Variants in RAD54L observed in about 807,000 individuals in gnomAD.
RAD54L encodes DNA repair and recombination protein RAD54-like.
RAD54L carries 74 observed loss-of-function variants against 91.6 expected under a neutral mutation model. The observed-to-expected ratio is 0.81, with a 90% CI of 0.67 to 0.98. The LOEUF is 0.98. Ranked by LOEUF, RAD54L falls within the 50% of genes least tolerant of loss-of-function variation. The pLI is 0.00. For synonymous variants in RAD54L, 304 were observed against 349.7 expected (o/e 0.87, Z 1.46); for missense variants, 887 against 945.7 (o/e 0.94, Z 0.81).
chr1:46,261,170 G>A, intron 7 of RAD54L, 91 bp from the exon 8 acceptor site: 2 of 1,577,032 alleles, frequency 1.3e-6, no homozygotes, highest in Admixed American at 1.7e-5. Context: ...GTTGTTTCCA[G>A]GCTAAATTAA....
Position 46,250,007 on chromosome 1 carries a change from G to A in RAD54L, c.98G>A (p.Arg33Lys). 6.2e-7 allele frequency: 1 copy of A among 1,613,974 alleles called. No individual in the cohort carries two copies. Residue 33 changes from arginine to lysine, a missense_variant, in exon 3 of 18, where the codon AGG (arginine) becomes AAG (lysine). Transcript: ENST00000371975. The stretch of plus-strand genomic sequence containing the variant: ...CCCAATTCTCTCTCCTAGACTCCTA[G>A]GAAACGGAAATCCAGCAGTGAGACC... ...EDWQPGLVTP[R>K]KRKSSSETQI...
At chr1:46,273,877 T>TC in intron 14 of RAD54L, 130 bp downstream of exon 14, 1 of 1,341,956 alleles carries the variant, frequency 7.5e-7, no homozygotes, top group East Asian at 2.5e-5. Context: ...TCTTCCCTTA[T>TC]TGCTATGATG....
intron 2 of RAD54L, among the ~76,000 whole-genome samples, chr1:46,249,231 G>A (rs1048655854): frequency 6.6e-5 from 10 of 152,196 alleles, no homozygotes; most frequent in African/African-American, 2.4e-4. Flanking sequence ...AGCTACGCAA[G>A]GACTAGAAGG....
chr1:46,250,232 C>T, intron 3 of RAD54L, 113 bp downstream of exon 3: 1 of 1,439,392 alleles, frequency 6.9e-7, no homozygotes, highest in Non-Finnish European at 9.7e-7. Context: ...AGAAGACACA[C>T]ATCTGTAGGG....
chr1:46,259,377 C>A (rs1361826073), intron 4 of RAD54L, among the ~76,000 whole-genome samples: 2 of 152,096 alleles, frequency 1.3e-5, no homozygotes, highest in East Asian at 3.9e-4. Flanking sequence ...AATTTCAGGC[C>A]TTCCCAGGAT....
chr1:46,248,401 C>T lies in RAD54L; in HGVS notation c.-5C>T. 5 of 1,613,904 alleles carry T rather than the reference C, an allele frequency of 3.1e-6. 1 individual carries two copies. In the East Asian group the frequency reaches 1.1e-4, roughly 36 times the overall value. On this transcript the variant is annotated 5_prime_UTR_variant, in exon 1 of 18. Transcript: ENST00000371975. ...TACTTGACGTTTTAAACTCCTAGGC[C>T]CAGGATGGTAAGTGTGGGCCTAGGG...
chr1:46,261,024 C>G lies in RAD54L; in HGVS notation c.766+9C>G. The stretch of plus-strand genomic sequence containing the variant: ...AATAGACCAAAAGCTGGGTACGGAG[C>G]CCTAACAAAGATGGCTGCACTCTCC... On this transcript the variant is annotated intron_variant, in intron 7 of 17. Coordinates refer to ENST00000371975, the MANE Select transcript of RAD54L (RefSeq NM_003579.4). 1 of 1,611,844 alleles carries G rather than the reference C, an allele frequency of 6.2e-7. No individual in the cohort carries two copies. Among genetic ancestry groups the G allele is most frequent in the Non-Finnish European group, 8.5e-7 (1 of 1,179,522 alleles).
At chr1:46,253,355 T>C (rs1263496912) in intron 3 of RAD54L, among the ~76,000 whole-genome samples, 1 of 152,218 alleles carries the variant, frequency 6.6e-6, no homozygotes, top group East Asian at 1.9e-4. Flanking sequence ...GGCTCACGCC[T>C]ATAATCCCAA....
chr1:46,272,621 AG>A, intron 11 of RAD54L, 50 bp from the exon 12 acceptor site: 3 of 1,614,054 alleles, frequency 1.9e-6, no homozygotes, highest in Non-Finnish European at 2.5e-6. Context: ...GTGTTCTCAG[AG>A]GGCAGGAGGG....
At chr1:46,257,350 CT>C in intron 3 of RAD54L, among the ~76,000 whole-genome samples, 1 of 152,084 alleles carries the variant, frequency 6.6e-6, no homozygotes, top group South Asian at 2.1e-4. Context: ...TTAAAACTAC[CT>C]TCAGGGTCTC....
At chr1:46,277,084 C>T (rs536103033) in intron 16 of RAD54L, among the ~76,000 whole-genome samples, 141 of 152,282 alleles carry the variant, frequency 9.3e-4, no homozygotes, top group Middle Eastern at 3.4e-3. Flanking sequence ...CGTGAGCCAC[C>T]GTGCCTGTCC....
chr1:46,260,221 A>G lies in RAD54L; in HGVS notation c.407+122A>G, dbSNP rs1660070898. ...ATTGACATATGTTTTCAGAGAGTAG[A>G]TGATTGGGGAAGGAGACTGCCTGGG... is the stretch of plus-strand genomic sequence containing the variant. On this transcript the variant is annotated intron_variant, in intron 5 of 17. Coordinates refer to ENST00000371975, the MANE Select transcript of RAD54L (RefSeq NM_003579.4). 3.4e-6 allele frequency: 5 copies of G among 1,467,108 alleles called. No homozygotes were observed. The South Asian group carries it at 5.7e-5, about 17-fold the overall frequency. The allele number at this position is 1,467,108 out of a possible 1,614,324, so 90.9% of individuals were successfully genotyped here.
In RAD54L at chr1:46,267,561, C is replaced by A. The variant is rs975533167; in HGVS notation, c.994C>A (p.Leu332Met). ...CTCCGGAACTCCCATCCAGAATGATCTGCTTGAGTATTTCAGCTTGGTACA... is the reference window on the plus strand; with the variant it reads ...CTCCGGAACTCCCATCCAGAATGATATGCTTGAGTATTTCAGCTTGGTACA... ...LISGTPIQND[L>M]LEYFSLVHFV... is the part of the protein sequence containing the mutation. Residue 332 changes from leucine to methionine, a missense_variant, in exon 9 of 18, where the codon CTG becomes ATG. Physicochemically the swap from Leu to Met is conservative, Grantham distance 15. Transcript: ENST00000371975. The A allele has an allele frequency of 6.2e-7, 1 of 1,613,392 alleles. No individual in the cohort carries two copies. Among genetic ancestry groups the A allele is most frequent in the Non-Finnish European group, 8.5e-7 (1 of 1,179,482 alleles).
chr1:46,264,035 A>G (rs149476427), intron 8 of RAD54L, among the ~76,000 whole-genome samples: 4 of 152,136 alleles, frequency 2.6e-5, no homozygotes, highest in African/African-American at 9.6e-5. Flanking sequence ...GGCCCCAAAT[A>G]ATCTGCGGCC....
intron 9 of RAD54L, 109 bp downstream of exon 9, chr1:46,267,718 A>T (rs1660306465): frequency 7.2e-7 from 1 of 1,395,554 alleles, no homozygotes; most frequent in Non-Finnish European, 1.0e-6. Flanking sequence ...TATGTGGGTC[A>T]CTAGGCATTC....
intron 12 of RAD54L, 52 bp downstream of exon 12, chr1:46,272,854 T>G: frequency 6.2e-7 from 1 of 1,609,066 alleles, no homozygotes; most frequent in Non-Finnish European, 8.5e-7. Context: ...CAAGGGAGGG[T>G]AGGTTCCTGT....
intron 3 of RAD54L, among the ~76,000 whole-genome samples, chr1:46,254,424 A>G (rs1400214989): frequency 1.3e-5 from 2 of 151,912 alleles, no homozygotes; most frequent in Admixed American, 6.6e-5. Flanking sequence ...CAGGAGATCT[A>G]GGTCTGGAGT....
rs1440908725 is a variant in RAD54L, at chr1:46,267,447, A to C, written c.892-12A>C. On this transcript the variant is annotated splice_polypyrimidine_tract_variant and intron_variant, in intron 8 of 17. Coordinates refer to ENST00000371975, the MANE Select transcript of RAD54L (RefSeq NM_003579.4). ...ATGCCACATTGCGCTCTGAATAAGGATTCTCTTGCAGGGACACAGGCTCAA... is the reference window on the plus strand; with the variant it reads ...ATGCCACATTGCGCTCTGAATAAGGCTTCTCTTGCAGGGACACAGGCTCAA... 2 of 1,613,774 alleles carry C rather than the reference A, an allele frequency of 1.2e-6. No homozygotes were observed. The highest frequency in any genetic ancestry group is 1.7e-5 in the Admixed American group (1 of 60,010).
intron 3 of RAD54L, among the ~76,000 whole-genome samples, chr1:46,251,340 T>G (rs1051403652): frequency 1.3e-5 from 2 of 152,164 alleles, no homozygotes; most frequent in Non-Finnish European, 2.9e-5. Context: ...AACAACAGTT[T>G]TGTGTAATAC....
Sources: gnomAD v4.1 joint callset for allele counts (sites outside exome capture counted in the v4.1 genomes callset) on GRCh38, gnomAD v4.1.1 for gene constraint, MANE v1.5 for transcripts, NCBI Gene and HGNC (gene_info 2026-07-23, HGNC 2026-07-21) for gene names.